Variants in LITAF observed in about 807,000 individuals in gnomAD.
LITAF encodes lipopolysaccharide-induced tumor necrosis factor-alpha factor.
A neutral mutation model predicts 14.5 loss-of-function variants in LITAF; 9 were observed. That is an observed-to-expected ratio of 0.62 (90% CI 0.37 to 1.08). The LOEUF is 1.08. LITAF is among the 50% of genes least tolerant of loss of function. The pLI, the probability that LITAF is intolerant of heterozygous loss-of-function variation, is 0.01. For missense variants in LITAF, 206 were observed against 213.4 expected (o/e 0.97, Z 0.22); for synonymous variants, 98 against 88.2 (o/e 1.11, Z -0.62).
At chr16:11,583,459 G>C (rs1284839560) in intron 1 of LITAF, among the ~76,000 whole-genome samples, 1 of 152,148 alleles carries the variant, frequency 6.6e-6, no homozygotes, top group Non-Finnish European at 1.5e-5. Flanking sequence ...ATAAGACTGA[G>C]ACTGCATTAG....
In LITAF at chr16:11,553,701, G is replaced by C. The variant is rs749772710; in HGVS notation, c.221-12C>G. ...CGTCTGCACGGTAACTGATGAAAGG[G>C]AGAGGGACAAACACAGGTTGCTCAG... On this transcript the variant is annotated splice_polypyrimidine_tract_variant and intron_variant, in intron 2 of 3. Coordinates refer to ENST00000622633, the MANE Select transcript of LITAF (RefSeq NM_001136472.2). The surrounding 1 kb of genome is among the most constrained non-coding windows in gnomAD (Gnocchi z 7.7). The C allele has an allele frequency of 1.9e-6, 3 of 1,614,016 alleles. No homozygotes were observed. Among genetic ancestry groups the C allele is most frequent in the South Asian group, 2.2e-5 (2 of 91,052 alleles).
chr16:11,580,655 A>C (rs2064718182), intron 1 of LITAF, among the ~76,000 whole-genome samples: 2 of 152,148 alleles, frequency 1.3e-5, no homozygotes, highest in South Asian at 4.1e-4. Context: ...TCATCATTCA[A>C]GAGGCTTTTT....
At chr16:11,602,524 CAGCAGG>C (rs1342030863), upstream of LITAF, among the ~76,000 whole-genome samples, 37 of 152,180 alleles carry the variant, frequency 2.4e-4, 1 homozygote, top group Admixed American at 7.2e-4. Flanking sequence ...TCACTGTCTA[CAGCAGG>C]TGTCTGTCTG....
chr16:11,597,271 G>C (rs369704868), intron 1 of LITAF, among the ~76,000 whole-genome samples: 1 of 152,112 alleles, frequency 6.6e-6, no homozygotes. Context: ...CTTCCTTGTA[G>C]CCTCCAGGAA....
At chr16:11,551,362 C>T (rs551295558) in intron 3 of LITAF, among the ~76,000 whole-genome samples, 1 of 152,210 alleles carries the variant, frequency 6.6e-6, no homozygotes, top group East Asian at 1.9e-4. Context: ...GTTATTGCCC[C>T]GCACCCCCGT....
intron 3 of LITAF, among the ~76,000 whole-genome samples, chr16:11,631,651 A>T (rs2065118206): frequency 6.6e-6 from 1 of 152,082 alleles, no homozygotes; most frequent in Non-Finnish European, 1.5e-5. Flanking sequence ...CAACCTCCCA[A>T]AGTGCTGGGA....
chr16:11,604,266 T>C (rs1046635540), intron 3 of LITAF, among the ~76,000 whole-genome samples: 1 of 152,188 alleles, frequency 6.6e-6, no homozygotes, highest in Non-Finnish European at 1.5e-5. Context: ...TGGTGGATTT[T>C]AACTTGGAAC....
intron 3 of LITAF, among the ~76,000 whole-genome samples, chr16:11,617,515 C>A (rs1037467368): frequency 1.3e-4 from 20 of 149,322 alleles, no homozygotes; most frequent in African/African-American, 5.0e-4. Flanking sequence ...CAACTTCTGC[C>A]TCCCGGGTTC....
chr16:11,614,298 CTTTTTTT>C (rs34958536), intron 3 of LITAF, among the ~76,000 whole-genome samples: 1 of 134,940 alleles, frequency 7.4e-6, no homozygotes, highest in Non-Finnish European at 1.6e-5. Flanking sequence ...TTTTTCTTTT[CTTTTTTT>C]TTTTTTTTTC....
In LITAF at chr16:11,581,590, G is replaced by A. The variant is rs139895700; in HGVS notation, c.-6+5296C>T. Among the ~76,000 whole-genome samples the A allele has an allele frequency of 1.2e-4, 18 of 152,262 alleles. 1 individual carries two copies. In the East Asian group the frequency reaches 3.5e-3, roughly 29 times the overall value. ...GCTGTGATCACGCCACTGTACTCCA[G>A]CCTGGCCAACAGAACAAGGCCCTAT... On this transcript the variant is annotated intron_variant, in intron 1 of 3. Transcript: ENST00000622633.
intron 3 of LITAF, among the ~76,000 whole-genome samples, chr16:11,630,138 G>C (rs900490839): frequency 3.3e-5 from 5 of 152,156 alleles, no homozygotes; most frequent in East Asian, 1.9e-4. Context: ...GTCCAGATAG[G>C]AACCAGACCC....
chr16:11,611,287 G>A (rs2064980937), intron 3 of LITAF, among the ~76,000 whole-genome samples: 1 of 152,126 alleles, frequency 6.6e-6, no homozygotes, highest in African/African-American at 2.4e-5. Context: ...AGGCTGCAAT[G>A]AGCCACGATC....
chr16:11,619,180 G>A (rs113640818), intron 3 of LITAF, among the ~76,000 whole-genome samples: 7,899 of 151,742 alleles, frequency 0.052, 305 homozygotes, highest in African/African-American at 0.1. Flanking sequence ...GTGTGGTGGC[G>A]CTTGCCTGTA....
At chr16:11,576,556 G>C (rs1362201037) in intron 1 of LITAF, among the ~76,000 whole-genome samples, 1 of 62,246 alleles carries the variant, frequency 1.6e-5, no homozygotes, top group African/African-American at 5.5e-5. Flanking sequence ...AAAAAAAAAA[G>C]AGAGAGAGAA....
chr16:11,551,831 C>A, intron 3 of LITAF: 1 of 552,968 alleles, frequency 1.8e-6, no homozygotes, highest in Non-Finnish European at 3.2e-6. Flanking sequence ...GACTCAGCCT[C>A]AAACAAAACA....
intron 1 of LITAF, among the ~76,000 whole-genome samples, chr16:11,557,935 G>A (rs1056735383): frequency 6.6e-6 from 1 of 152,212 alleles, no homozygotes; most frequent in Non-Finnish European, 1.5e-5. Flanking sequence ...GCTCCTGTCT[G>A]ATGTTCCATG....
At chr16:11,571,171 G>T (rs538745717) in intron 1 of LITAF, among the ~76,000 whole-genome samples, 2 of 152,076 alleles carry the variant, frequency 1.3e-5, no homozygotes, top group Non-Finnish European at 2.9e-5. Context: ...AGGTTCAAGC[G>T]ATTCTCCTGC....
At position 11,548,696 on chromosome 16, in the gene LITAF, C is replaced by G; in HGVS notation, c.*941G>C. The stretch of plus-strand genomic sequence containing the variant: ...TCCTCCTCTTGAAATTATGTTCAGG[C>G]CCAGCATGGTAGCTTATGCCTGCAA... On this transcript the variant is annotated 3_prime_UTR_variant, in exon 4 of 4. Transcript: ENST00000622633. The G allele has an allele frequency of 2.2e-6, 1 of 453,672 alleles. No individual in the cohort carries two copies. Among genetic ancestry groups the G allele is most frequent in the South Asian group, 1.6e-5 (1 of 64,388 alleles). 28.1% of individuals were successfully genotyped at this position (453,672 alleles called of 1,614,324 possible). A position where few individuals can be genotyped will look rare whatever the true frequency, so the allele number is the denominator to read the frequency against.
In LITAF at chr16:11,553,574, A is replaced by G. The variant is rs2141701007; in HGVS notation, c.336T>C (p.Gly112=). ...TCCCGCAGGACAGCCAGGTCAGAGC[A>G]CCGGCGTTATAGGACAGCTGACTCA... The part of the protein sequence containing the change: ...MIVSQLSYNA[G]ALTWLSCGSL... Residue 112 remains glycine, a synonymous_variant, in exon 3 of 4, where the codon GGT becomes GGC. Transcript: ENST00000622633. The surrounding 1 kb of genome is among the most constrained non-coding windows in gnomAD (Gnocchi z 7.7). 1 of 1,614,162 alleles carries G rather than the reference A, an allele frequency of 6.2e-7. No individual in the cohort carries two copies. The highest frequency in any genetic ancestry group is 8.5e-7 in the Non-Finnish European group (1 of 1,180,028).
Sources: allele counts gnomAD v4.1 joint callset (sites outside exome capture counted in the v4.1 genomes callset), GRCh38; gene constraint gnomAD v4.1.1; non-coding constraint Gnocchi (gnomAD v3.1); transcripts MANE v1.5; gene names NCBI Gene and HGNC (gene_info 2026-07-23, HGNC 2026-07-21).